DCAF7: variants seen among roughly 807,000 people sequenced by gnomAD.
DCAF7 encodes DDB1- and CUL4-associated factor 7.
Under a neutral mutation model 41.2 loss-of-function variants are expected in DCAF7, and 4 were observed. The observed-to-expected ratio is 0.10, with a 90% CI of 0.05 to 0.22. The LOEUF is 0.22. DCAF7 is among the 10% of genes least tolerant of loss of function. The pLI is 1.00. For missense variants in DCAF7, 131 were observed against 443.2 expected (o/e 0.30, Z 6.32); for synonymous variants, 143 against 164.2 (o/e 0.87, Z 0.99).
At chr17:63,560,957 G>A (rs181320945) in intron 1 of DCAF7, among the ~76,000 whole-genome samples, 3 of 152,316 alleles carry the variant, frequency 2.0e-5, no homozygotes, top group East Asian at 1.9e-4. Context: ...CAGGCTGGGC[G>A]TGATGGCTCA....
intron 1 of DCAF7, among the ~76,000 whole-genome samples, chr17:63,566,310 A>G (rs1426549370): frequency 6.6e-6 from 1 of 150,474 alleles, no homozygotes; most frequent in Non-Finnish European, 1.5e-5. Context: ...GGCGGAACTT[A>G]GAGTGAGCAG....
chr17:63,554,908 C>T (rs2033295075), intron 1 of DCAF7, among the ~76,000 whole-genome samples: 1 of 152,180 alleles, frequency 6.6e-6, no homozygotes, highest in Non-Finnish European at 1.5e-5. Context: ...ATTTCATTCT[C>T]TGCCTTTTAA....
chr17:63,564,419 T>C (rs1301441459), intron 1 of DCAF7, among the ~76,000 whole-genome samples: 1 of 152,216 alleles, frequency 6.6e-6, no homozygotes, highest in African/African-American at 2.4e-5. Flanking sequence ...AAGGAAATTA[T>C]ATACAAATAA....
chr17:63,584,425 GC>G (rs2033655988), intron 5 of DCAF7, among the ~76,000 whole-genome samples: 1 of 151,620 alleles, frequency 6.6e-6, no homozygotes, highest in South Asian at 2.1e-4. Context: ...CCAAGATCGT[GC>G]CATTGCACTC....
intron 1 of DCAF7, among the ~76,000 whole-genome samples, chr17:63,553,993 C>T (rs757942554): frequency 1.3e-5 from 2 of 152,042 alleles, no homozygotes; most frequent in African/African-American, 2.4e-5. Context: ...CGCTTGAGCC[C>T]GGGAGTTTGA....
intron 1 of DCAF7, among the ~76,000 whole-genome samples, chr17:63,558,813 T>C (rs923256846): frequency 2.6e-5 from 4 of 152,198 alleles, no homozygotes; most frequent in African/African-American, 9.6e-5. Flanking sequence ...TGATTGTTTC[T>C]ACAGATAAAT....
intron 6 of DCAF7, among the ~76,000 whole-genome samples, chr17:63,585,586 G>A (rs895005545): frequency 1.3e-5 from 2 of 152,186 alleles, no homozygotes; most frequent in African/African-American, 4.8e-5. Flanking sequence ...CTTGTACTGT[G>A]CCCCTGAAAT....
intron 1 of DCAF7, among the ~76,000 whole-genome samples, chr17:63,565,434 G>T (rs755643219): frequency 1.3e-5 from 2 of 152,064 alleles, no homozygotes; most frequent in Non-Finnish European, 2.9e-5. Flanking sequence ...AATTAGCTGG[G>T]CGTGGTGGTG....
intron 4 of DCAF7, among the ~76,000 whole-genome samples, chr17:63,581,081 G>A (rs1415469718): frequency 6.6e-6 from 1 of 152,192 alleles, no homozygotes; most frequent in Non-Finnish European, 1.5e-5. Flanking sequence ...GTAAGGGGTT[G>A]TCTTTGGCTT....
chr17:63,572,968 G>A (rs1386985911), intron 1 of DCAF7, among the ~76,000 whole-genome samples: 2 of 152,056 alleles, frequency 1.3e-5, no homozygotes, highest in African/African-American at 4.8e-5. Flanking sequence ...TCACCATGTT[G>A]CCCAGTCTAG....
intron 6 of DCAF7, 24 bp downstream of exon 6, chr17:63,585,352 A>G: frequency 6.3e-7 from 1 of 1,592,078 alleles, no homozygotes; most frequent in East Asian, 2.2e-5. Flanking sequence ...GGAGAAAGAA[A>G]TCTGGGAAGG....
At chr17:63,579,515 C>A in intron 3 of DCAF7, 67 bp downstream of exon 3, 1 of 1,151,198 alleles carries the variant, frequency 8.7e-7, no homozygotes, top group Non-Finnish European at 1.3e-6. Flanking sequence ...AGATGTCACA[C>A]TGGGCCATAC....
Position 63,590,835 on chromosome 17 carries a change from T to TTTGG in DCAF7, c.*1666_*1669dup, listed in dbSNP as rs2033726996. ...TTGTTCTTCTGGGCCCTTAAGCTTT[T>TTTGG]TTGGTTAAGTCTTCCTTTTCAGAAG... On this transcript the variant is annotated 3_prime_UTR_variant, in exon 7 of 7. Coordinates refer to ENST00000614556, the MANE Select transcript of DCAF7 (RefSeq NM_005828.5). 1 of 152,208 alleles carries TTTGG rather than the reference T, an allele frequency of 6.6e-6. No homozygotes were observed. Among genetic ancestry groups the TTTGG allele is most frequent in the Non-Finnish European group, 1.5e-5 (1 of 68,050 alleles). The allele number at this position is 152,208 out of a possible 1,614,324, so 9.4% of individuals were successfully genotyped here.
At chr17:63,563,781 C>G (rs1237012582) in intron 1 of DCAF7, among the ~76,000 whole-genome samples, 1 of 151,836 alleles carries the variant, frequency 6.6e-6, no homozygotes, top group Non-Finnish European at 1.5e-5. Flanking sequence ...TGCCACTGCA[C>G]TCCAGCTTGG....
intron 1 of DCAF7, among the ~76,000 whole-genome samples, chr17:63,569,512 C>T (rs2033482288): frequency 6.6e-6 from 1 of 152,146 alleles, no homozygotes; most frequent in Non-Finnish European, 1.5e-5. Flanking sequence ...ATCTCCAGGC[C>T]GTGCACTCTC....
intron 1 of DCAF7, among the ~76,000 whole-genome samples, chr17:63,569,781 T>G (rs1220240453): frequency 6.6e-6 from 1 of 152,160 alleles, no homozygotes; most frequent in Non-Finnish European, 1.5e-5. Flanking sequence ...AGTACAATCT[T>G]GGCTCACTGC....
Position 63,550,905 on chromosome 17 carries a change from C to A in DCAF7, c.138+90C>A. The A allele has an allele frequency of 6.6e-7, 1 of 1,524,318 alleles. No homozygotes were observed. Among genetic ancestry groups the A allele is most frequent in the Non-Finnish European group, 8.8e-7 (1 of 1,136,488 alleles). 94.4% of individuals were successfully genotyped at this position (1,524,318 alleles called of 1,614,324 possible). On this transcript the variant is annotated intron_variant, in intron 1 of 6. Transcript: ENST00000614556. The surrounding 1 kb of genome is among the most constrained non-coding windows in gnomAD (Gnocchi z 4.8). ...GCCGGAGCCCAGGCCTCAGAACCCT[C>A]TTGCGGACTCGCCCTAGGGCCACGG...
chr17:63,551,865 G>C (rs906067032), intron 1 of DCAF7, among the ~76,000 whole-genome samples: 6 of 119,884 alleles, frequency 5.0e-5, no homozygotes, highest in Non-Finnish European at 9.7e-5. Context: ...TGGGTAACAC[G>C]GTGAAACCCC....
chr17:63,577,169 G>GGTT (rs1400575180), intron 1 of DCAF7, among the ~76,000 whole-genome samples: 3 of 152,092 alleles, frequency 2.0e-5, no homozygotes, highest in Non-Finnish European at 2.9e-5. Flanking sequence ...GAGCTTTCTG[G>GGTT]GTTAATGGAA....
Sources: allele counts gnomAD v4.1 joint callset (sites outside exome capture counted in the v4.1 genomes callset), GRCh38; gene constraint gnomAD v4.1.1; non-coding constraint Gnocchi (gnomAD v3.1); transcripts MANE v1.5; gene names NCBI Gene and HGNC (gene_info 2026-07-23, HGNC 2026-07-21).